RPS6KC1: variants seen among roughly 807,000 people sequenced by gnomAD.
The protein encoded by RPS6KC1 is ribosomal protein S6 kinase C1.
Under a neutral mutation model 103.8 loss-of-function variants are expected in RPS6KC1, and 54 were observed. That is an observed-to-expected ratio of 0.52 (90% confidence interval 0.42 to 0.65). The LOEUF is 0.65. Ranked by LOEUF, RPS6KC1 falls within the 30% of genes least tolerant of loss-of-function variation. The pLI is 0.00. For synonymous variants in RPS6KC1, 439 were observed against 438.7 expected, an observed-to-expected ratio of 1.00 and a Z score of -0.01; for missense variants, 1,151 against 1,253.8, an observed-to-expected ratio of 0.92 and a Z score of 1.24.
chr1:213,729,124 G>A, the RPS6KC1 span, among the ~76,000 whole-genome samples: 1 of 151,896 alleles, frequency 6.6e-6, no homozygotes, highest in East Asian at 1.9e-4. Flanking sequence ...AATAGTGAAC[G>A]GACAATTCAA....
At chr1:213,737,043 C>T in the RPS6KC1 span, among the ~76,000 whole-genome samples, 2 of 152,188 alleles carry the variant, frequency 1.3e-5, no homozygotes, top group African/African-American at 4.8e-5. Context: ...AACCAGCTCC[C>T]GGCTTGCTCA....
At chr1:213,519,405 G>C in the RPS6KC1 span, among the ~76,000 whole-genome samples, 1 of 152,200 alleles carries the variant, frequency 6.6e-6, no homozygotes, top group African/African-American at 2.4e-5. Flanking sequence ...AGAAAAGAAA[G>C]AGGTTTTTCA....
the RPS6KC1 span, among the ~76,000 whole-genome samples, chr1:213,764,847 C>T: frequency 6.6e-6 from 1 of 152,204 alleles, no homozygotes; most frequent in African/African-American, 2.4e-5. Context: ...GAGTGTCTTT[C>T]TCCAGTCTTG....
At chr1:213,225,563 A>G (rs2148818770) in intron 8 of RPS6KC1, among the ~76,000 whole-genome samples, 1 of 151,970 alleles carries the variant, frequency 6.6e-6, no homozygotes, top group Non-Finnish European at 1.5e-5. Flanking sequence ...TAATTTTTGT[A>G]TTTTTAGTAG....
chr1:213,053,433 A>G (rs2077098997), intron 1 of RPS6KC1, among the ~76,000 whole-genome samples: 1 of 152,232 alleles, frequency 6.6e-6, no homozygotes, highest in Admixed American at 6.5e-5. Flanking sequence ...TCTTCATTGT[A>G]CGGAGCACAC....
At chr1:213,445,380 T>C in the RPS6KC1 span, among the ~76,000 whole-genome samples, 2 of 152,184 alleles carry the variant, frequency 1.3e-5, no homozygotes, top group South Asian at 4.1e-4. Flanking sequence ...ATGGTGACTT[T>C]ATTTTTAAGA....
At chr1:213,369,112 A>C in the RPS6KC1 span, among the ~76,000 whole-genome samples, 2 of 152,314 alleles carry the variant, frequency 1.3e-5, no homozygotes, top group Admixed American at 6.5e-5. Flanking sequence ...ATTGATCCAA[A>C]GTTTTCTTCT....
the RPS6KC1 span, among the ~76,000 whole-genome samples, chr1:213,501,172 A>C: frequency 6.6e-6 from 1 of 152,250 alleles, no homozygotes; most frequent in East Asian, 1.9e-4. Flanking sequence ...GGGAAAACTG[A>C]GTAAGACTAG....
chr1:213,714,706 A>G, the RPS6KC1 span, among the ~76,000 whole-genome samples: 1 of 152,264 alleles, frequency 6.6e-6, no homozygotes, highest in Non-Finnish European at 1.5e-5. Flanking sequence ...TTGGGCATCA[A>G]CTTCCACCCT....
intron 10 of RPS6KC1, among the ~76,000 whole-genome samples, chr1:213,238,833 T>C (rs2094287257): frequency 6.6e-6 from 1 of 152,160 alleles, no homozygotes; most frequent in Non-Finnish European, 1.5e-5. Context: ...CATACAAAGA[T>C]GAAAAAGACT....
rs566216680 is a variant in RPS6KC1, at chr1:213,236,711, A to G, written c.1226-3991A>G. 7.2e-5 allele frequency among the ~76,000 whole-genome samples: 11 copies of G among 152,286 alleles called. 1 individual carries two copies. The South Asian group carries it at 2.3e-3, about 32-fold the overall frequency. On this transcript the variant is annotated intron_variant, in intron 10 of 14. Coordinates refer to ENST00000366960, the MANE Select transcript of RPS6KC1 (RefSeq NM_012424.6). Reference sequence around the variant, plus strand: ...TTGGTATTTAGAAGGTGCTCAGTGTATAATTGTTGAATACTGGGTCAGTCA... The same window carrying G: ...TTGGTATTTAGAAGGTGCTCAGTGTGTAATTGTTGAATACTGGGTCAGTCA...
In RPS6KC1 at chr1:213,176,390, C is replaced by T. The variant is rs370769305; in HGVS notation, c.952-10C>T. On this transcript the variant is annotated splice_polypyrimidine_tract_variant and intron_variant, in intron 7 of 14. Transcript: ENST00000366960. ...CTGATTGATGTATAATCTTTGATAT[C>T]TTCCATTAGCCTCCAGGATCACTAA... 61 of 1,583,264 alleles carry T rather than the reference C, an allele frequency of 3.9e-5. No individual in the cohort carries two copies. The highest frequency in any genetic ancestry group is 5.1e-5 in the Non-Finnish European group (59 of 1,157,106).
the RPS6KC1 span, among the ~76,000 whole-genome samples, chr1:213,623,051 C>T: frequency 6.6e-6 from 1 of 152,076 alleles, no homozygotes. Context: ...AGATATGCCT[C>T]GATCGATCCA....
At chr1:213,452,360 C>A in the RPS6KC1 span, among the ~76,000 whole-genome samples, 5 of 151,254 alleles carry the variant, frequency 3.3e-5, no homozygotes, top group Non-Finnish European at 7.4e-5. Flanking sequence ...GGAACATCAA[C>A]CCTATCTCGC....
At chr1:213,696,301 A>G in the RPS6KC1 span, among the ~76,000 whole-genome samples, 1 of 152,044 alleles carries the variant, frequency 6.6e-6, no homozygotes, top group East Asian at 1.9e-4. Context: ...GGAGTTTGAG[A>G]CCAGTCTGAC....
At chr1:213,206,348 A>G (rs2093349316) in intron 8 of RPS6KC1, among the ~76,000 whole-genome samples, 1 of 152,232 alleles carries the variant, frequency 6.6e-6, no homozygotes, top group Non-Finnish European at 1.5e-5. Context: ...ATGGCTCTTC[A>G]GCTTCAGGGC....
At chr1:213,658,968 T>C in the RPS6KC1 span, among the ~76,000 whole-genome samples, 6 of 152,208 alleles carry the variant, frequency 3.9e-5, no homozygotes, top group East Asian at 1.2e-3. Context: ...TCTTTTCTTT[T>C]TTTTCTTTTT....
At chr1:213,223,936 A>G (rs1558575033) in intron 8 of RPS6KC1, among the ~76,000 whole-genome samples, 1 of 152,174 alleles carries the variant, frequency 6.6e-6, no homozygotes, top group East Asian at 1.9e-4. Flanking sequence ...TTTTAAAAGG[A>G]ATTGGAGCTG....
chr1:213,602,110 T>TC, the RPS6KC1 span, among the ~76,000 whole-genome samples: 3 of 39,310 alleles, frequency 7.6e-5, 1 homozygote, highest in Non-Finnish European at 1.4e-4. Flanking sequence ...CTTTCTTTCT[T>TC]TCTTTCTTTC....
Sources: gnomAD v4.1 joint callset for allele counts (sites outside exome capture counted in the v4.1 genomes callset) on GRCh38, gnomAD v4.1.1 for gene constraint, MANE v1.5 for transcripts, NCBI Gene and HGNC (gene_info 2026-07-23, HGNC 2026-07-21) for gene names.